UBXN4: variants seen among roughly 807,000 people sequenced by gnomAD.
The protein encoded by UBXN4 is UBX domain-containing protein 4.
UBXN4 carries 35 observed loss-of-function variants against 66.2 expected under a neutral mutation model. The ratio of observed to expected loss-of-function variants is 0.53; its 90% CI spans 0.40 to 0.70. UBXN4 has a LOEUF of 0.70. Ranked by LOEUF, UBXN4 falls within the 30% of genes least tolerant of loss-of-function variation. The probability of loss-of-function intolerance (pLI) is 0.00; values close to 1 mark genes in which losing one functional copy is unlikely to be tolerated. For missense variants in UBXN4, 533 were observed against 599.8 expected (o/e 0.89, Z 1.16); for synonymous variants, 203 against 204.5 (o/e 0.99, Z 0.06).
chr2:135,757,910 C>T (rs1286193393), intron 5 of UBXN4, among the ~76,000 whole-genome samples: 1 of 151,912 alleles, frequency 6.6e-6, no homozygotes, highest in Non-Finnish European at 1.5e-5. Context: ...CGGCAAAACT[C>T]TGTCTCTACA....
At position 135,779,096 on chromosome 2, in the gene UBXN4, G is replaced by T; in HGVS notation, c.1185+17G>T. ...CTGTTGCCAGTATGTATATACAGAT[G>T]CATTTTTTTCTCTTCTTATTGTTTT... On this transcript the variant is annotated intron_variant, in intron 11 of 12. Coordinates refer to ENST00000272638, the MANE Select transcript of UBXN4 (RefSeq NM_014607.4). 1 of 1,554,288 alleles carries T rather than the reference G, an allele frequency of 6.4e-7. No individual in the cohort carries two copies. Among genetic ancestry groups the T allele is most frequent in the South Asian group, 1.3e-5 (1 of 78,176 alleles).
chr2:135,754,031 T>C lies in UBXN4; in HGVS notation c.215-128T>C, dbSNP rs2077263663. The C allele has an allele frequency of 8.6e-6, 6 of 698,266 alleles. No homozygotes were observed. The South Asian group carries it at 1.2e-4, about 14-fold the overall frequency. The allele number at this position is 698,266 out of a possible 1,614,324, so 43.3% of individuals were successfully genotyped here. ...GGTATAATGATGCAGTACTTGAAAT[T>C]ATTTAATAAATGTTAGATTATATTG... On this transcript the variant is annotated intron_variant, in intron 3 of 12. Transcript: ENST00000272638.
intron 7 of UBXN4, among the ~76,000 whole-genome samples, chr2:135,770,213 T>C (rs1012733546): frequency 1.3e-4 from 20 of 152,234 alleles, no homozygotes; most frequent in African/African-American, 4.6e-4. Context: ...TCTCACCATG[T>C]ATACCTAACT....
At chr2:135,769,004 C>T (rs1217849084) in intron 6 of UBXN4, among the ~76,000 whole-genome samples, 1 of 152,030 alleles carries the variant, frequency 6.6e-6, no homozygotes, top group East Asian at 1.9e-4. Context: ...ACCCAGCCTC[C>T]ATTTGTTTGT....
At position 135,772,553 on chromosome 2, in the gene UBXN4, A is replaced by G. The variant is rs549591255; in HGVS notation, c.950+6A>G. On this transcript the variant is annotated splice_donor_region_variant and intron_variant, in intron 9 of 12. Transcript: ENST00000272638. Reference sequence around the variant, plus strand: ...TCTTATGCAAGAGAAAGAAGGTACTATATTTCATGCTGAAACATCTCTGTG... The same window carrying G: ...TCTTATGCAAGAGAAAGAAGGTACTGTATTTCATGCTGAAACATCTCTGTG... 1.6e-4 allele frequency: 264 copies of G among 1,613,160 alleles called. 1 individual carries two copies. The highest frequency in any genetic ancestry group is 9.2e-4 in the South Asian group (84 of 91,054).
At chr2:135,747,348 C>CAAAAAAAAAAAAAAAAAAAAAAAA (rs138276089) in intron 1 of UBXN4, among the ~76,000 whole-genome samples, 2 of 83,514 alleles carry the variant, frequency 2.4e-5, no homozygotes, top group African/African-American at 4.4e-5. Flanking sequence ...AACTCCATCT[C>CAAAAAAAAAAAAAAAAAAAAAAAA]AAAAAAAAAA....
At chr2:135,754,315 C>A in intron 4 of UBXN4, 38 bp downstream of exon 4, 3 of 1,517,564 alleles carry the variant, frequency 2.0e-6, no homozygotes, top group Admixed American at 1.8e-5. Context: ...GTAAATGGTA[C>A]GTCAGGAATT....
intron 9 of UBXN4, among the ~76,000 whole-genome samples, chr2:135,773,208 A>G (rs533280186): frequency 5.6e-4 from 86 of 152,342 alleles, no homozygotes; most frequent in African/African-American, 1.9e-3. Flanking sequence ...TTGGCTCTGC[A>G]GTTCAGAAAT....
rs1049195000 is a variant in UBXN4 at position 135,783,858 on chromosome 2, A to C, written c.*971A>C. ...AGATTCTTAATCTGACTTACATGTT[A>C]CTTTATCCGTATGTCTTTGTTAGTG... On this transcript the variant is annotated 3_prime_UTR_variant, in exon 13 of 13. Coordinates refer to ENST00000272638, the MANE Select transcript of UBXN4 (RefSeq NM_014607.4). 3.9e-5 allele frequency: 6 copies of C among 152,342 alleles called. No homozygotes were observed. Among genetic ancestry groups the C allele is most frequent in the Middle Eastern group, 3.4e-3 (1 of 294 alleles). The allele number at this position is 152,342 out of a possible 1,614,324, so 9.4% of individuals were successfully genotyped here.
At position 135,765,487 on chromosome 2, in the gene UBXN4, G is replaced by A. The variant is rs138280334; in HGVS notation, c.602+3576G>A. On this transcript the variant is annotated intron_variant, in intron 6 of 12. Transcript: ENST00000272638. ...CGGCCTCCCAAAGTGCTGGAATTAC[G>A]GGCATGAGCCACCACACCCAGCCAT... is the stretch of plus-strand genomic sequence containing the variant. Among the ~76,000 whole-genome samples the A allele has an allele frequency of 5.4e-3, 814 of 151,866 alleles. 7 individuals carry two copies. The highest frequency in any genetic ancestry group is 0.041 in the South Asian group (198 of 4,818).
At chr2:135,748,409 AT>A (rs1559537314) in intron 2 of UBXN4, 40 bp downstream of exon 2, 4 of 1,410,932 alleles carry the variant, frequency 2.8e-6, no homozygotes, top group Non-Finnish European at 2.9e-6. Flanking sequence ...TTTAAAATTT[AT>A]AAGTATTGTC....
chr2:135,761,285 A>T (rs2077314159), intron 5 of UBXN4, among the ~76,000 whole-genome samples: 1 of 152,162 alleles, frequency 6.6e-6, no homozygotes, highest in Non-Finnish European at 1.5e-5. Context: ...CTAAGGAACC[A>T]CTCTGGTCAG....
intron 11 of UBXN4, among the ~76,000 whole-genome samples, chr2:135,779,750 A>G (rs1442199319): frequency 6.6e-6 from 1 of 150,602 alleles, no homozygotes; most frequent in Admixed American, 6.6e-5. Flanking sequence ...TCTAGTTTGT[A>G]TATTACAATT....
intron 3 of UBXN4, chr2:135,753,938 G>C: frequency 2.1e-6 from 1 of 480,922 alleles, no homozygotes; most frequent in South Asian, 3.5e-5. Context: ...TATGATAGAG[G>C]AGAATGTAGT....
rs534766881 is a variant in UBXN4 at position 135,777,689 on chromosome 2, A to T, written c.1054-1259A>T. On this transcript the variant is annotated intron_variant, in intron 10 of 12. Coordinates refer to ENST00000272638, the MANE Select transcript of UBXN4 (RefSeq NM_014607.4). Reference sequence around the variant, plus strand: ...ATCACAAGGTCAGGAGTTTGAGACCAGGCTGACCAACATGGTGACCCCATC... The same window carrying T: ...ATCACAAGGTCAGGAGTTTGAGACCTGGCTGACCAACATGGTGACCCCATC... 5.9e-5 allele frequency among the ~76,000 whole-genome samples: 9 copies of T among 151,838 alleles called. No homozygotes were observed. In the East Asian group the frequency reaches 1.7e-3, roughly 29 times the overall value.
intron 1 of UBXN4, chr2:135,748,039 A>G (rs2077220338): frequency 2.4e-6 from 1 of 417,812 alleles, no homozygotes; most frequent in East Asian, 4.2e-5. Context: ...TTTATGAAAT[A>G]TTTTGTATCA....
chr2:135,748,492 G>A, intron 2 of UBXN4, 123 bp downstream of exon 2: 1 of 622,196 alleles, frequency 1.6e-6, no homozygotes, highest in Non-Finnish European at 2.4e-6. Flanking sequence ...CACTTTGGGA[G>A]ACTGAGGTGG....
At chr2:135,772,572 C>T (rs370421627) in intron 9 of UBXN4, 25 bp downstream of exon 9, 1 of 1,611,656 alleles carries the variant, frequency 6.2e-7, no homozygotes, top group African/African-American at 1.3e-5. Flanking sequence ...GCTGAAACAT[C>T]TCTGTGCACA....
intron 6 of UBXN4, among the ~76,000 whole-genome samples, chr2:135,765,683 A>C (rs1044830466): frequency 9.9e-5 from 15 of 151,396 alleles, no homozygotes; most frequent in African/African-American, 3.6e-4. Context: ...TGAAAGTTGC[A>C]GACATAATTT....
Sources: allele counts gnomAD v4.1 joint callset (sites outside exome capture counted in the v4.1 genomes callset), GRCh38; gene constraint gnomAD v4.1.1; transcripts MANE v1.5; gene names NCBI Gene and HGNC (gene_info 2026-07-23, HGNC 2026-07-21).